WDFY4: variants seen among roughly 807,000 people sequenced by gnomAD.
The protein encoded by WDFY4 is WDFY family member 4.
In WDFY4, 169 loss-of-function variants were observed where a neutral mutation model predicts 351.9. That is an observed-to-expected ratio of 0.48 (90% CI 0.42 to 0.55). WDFY4 has a LOEUF of 0.55. Ranked by LOEUF, WDFY4 falls within the 20% of genes least tolerant of loss-of-function variation. WDFY4 has a pLI of 0.00. For missense variants in WDFY4, 3,803 were observed against 3,935.6 expected, an observed-to-expected ratio of 0.97 and a Z score of 0.90; for synonymous variants, 1,622 against 1,574.6, an observed-to-expected ratio of 1.03 and a Z score of -0.71.
At chr10:48,769,724 G>A (rs916305860) in intron 13 of WDFY4, among the ~76,000 whole-genome samples, 4 of 152,174 alleles carry the variant, frequency 2.6e-5, no homozygotes, top group Admixed American at 6.5e-5. Context: ...CCCAGCGCTC[G>A]CTGGGCTTTG....
chr10:48,770,583 T>C (rs2170128), intron 13 of WDFY4, among the ~76,000 whole-genome samples: 151,997 of 152,348 alleles, frequency 1, 75,823 homozygotes, highest in Non-Finnish European at 1. Flanking sequence ...TGTTACTTTT[T>C]TGTTTTGAGA....
chr10:48,788,454 G>C, intron 20 of WDFY4, 76 bp from the exon 21 acceptor site: 1 of 1,470,780 alleles, frequency 6.8e-7, no homozygotes, highest in Non-Finnish European at 9.2e-7. Flanking sequence ...GTGTGACAGA[G>C]ATATTAAATT....
At chr10:48,874,670 A>G (rs1221574617) in intron 41 of WDFY4, among the ~76,000 whole-genome samples, 1 of 152,252 alleles carries the variant, frequency 6.6e-6, no homozygotes. Context: ...AAAAATAAAA[A>G]AAATAAGTAG....
intron 41 of WDFY4, among the ~76,000 whole-genome samples, chr10:48,873,912 G>T (rs1264564603): frequency 6.6e-6 from 1 of 152,186 alleles, no homozygotes; most frequent in Non-Finnish European, 1.5e-5. Flanking sequence ...TGTAACTACA[G>T]CCTGCATGAA....
intron 39 of WDFY4, among the ~76,000 whole-genome samples, chr10:48,866,283 T>C (rs754376207): frequency 2.6e-5 from 4 of 152,172 alleles, no homozygotes; most frequent in Non-Finnish European, 4.4e-5. Context: ...TGGTATGTTG[T>C]GTCTTTATTT....
At chr10:48,740,767 GC>G (rs1309221047) in intron 11 of WDFY4, among the ~76,000 whole-genome samples, 1 of 152,198 alleles carries the variant, frequency 6.6e-6, no homozygotes, top group Non-Finnish European at 1.5e-5. Flanking sequence ...ACACTTGACT[GC>G]CCCCTTTAGT....
chr10:48,832,965 G>C (rs958344191), intron 39 of WDFY4, among the ~76,000 whole-genome samples: 1 of 152,212 alleles, frequency 6.6e-6, no homozygotes, highest in Non-Finnish European at 1.5e-5. Flanking sequence ...CTAGGGGTGT[G>C]AGCCCAGCAA....
intron 11 of WDFY4, among the ~76,000 whole-genome samples, chr10:48,740,678 G>A (rs745605848): frequency 2.0e-5 from 3 of 152,246 alleles, no homozygotes; most frequent in Non-Finnish European, 4.4e-5. Flanking sequence ...TCCTCACTCG[G>A]GAGGAGAAAG....
At chr10:48,837,505 G>A (rs2068444261) in intron 39 of WDFY4, among the ~76,000 whole-genome samples, 2 of 152,208 alleles carry the variant, frequency 1.3e-5, no homozygotes, top group African/African-American at 4.8e-5. Context: ...TGATTCAGGT[G>A]GGAGATAGTG....
At chr10:48,863,729 G>A (rs751884219) in intron 39 of WDFY4, among the ~76,000 whole-genome samples, 13 of 151,768 alleles carry the variant, frequency 8.6e-5, no homozygotes, top group South Asian at 2.1e-4. Flanking sequence ...GTATTAGTCC[G>A]TTTTCATATT....
intron 38 of WDFY4, among the ~76,000 whole-genome samples, chr10:48,832,313 G>C (rs920383186): frequency 2.6e-5 from 4 of 152,216 alleles, no homozygotes; most frequent in African/African-American, 9.7e-5. Context: ...TAGTTAATCT[G>C]CTCAACATCT....
intron 19 of WDFY4, among the ~76,000 whole-genome samples, chr10:48,780,514 G>A (rs1212809453): frequency 3.9e-5 from 6 of 152,304 alleles, no homozygotes; most frequent in Admixed American, 6.5e-5. Flanking sequence ...TGAGGCCAAC[G>A]CAGCTCATCT....
At chr10:48,936,337 A>G (rs1840358232) in intron 47 of WDFY4, among the ~76,000 whole-genome samples, 1 of 152,190 alleles carries the variant, frequency 6.6e-6, no homozygotes, top group Non-Finnish European at 1.5e-5. Flanking sequence ...AAATTTCTGA[A>G]TGAAGATGAC....
intron 40 of WDFY4, among the ~76,000 whole-genome samples, chr10:48,870,304 G>A (rs2069716014): frequency 6.6e-6 from 1 of 152,164 alleles, no homozygotes; most frequent in African/African-American, 2.4e-5. Context: ...TGGGAGGTTG[G>A]GCAGTAGGAT....
At position 48,873,511 on chromosome 10, in the gene WDFY4, C is replaced by T. The variant is rs2133285203; in HGVS notation, c.6762C>T (p.Ile2254=). The T allele has an allele frequency of 1.9e-6, 3 of 1,550,702 alleles. No individual in the cohort carries two copies. The highest frequency in any genetic ancestry group is 4.9e-5 in the East Asian group (2 of 40,912). ...CCCAGAGGCGAAAATGTGGCAACATCAAGGCAGCCAACGCCTGGGCCAGGA... is the reference window on the plus strand; with the variant it reads ...CCCAGAGGCGAAAATGTGGCAACATTAAGGCAGCCAACGCCTGGGCCAGGA... ...DHVQRRKCGN[I]KAANAWARIQ... is the part of the protein sequence containing the mutation. Residue 2254 remains isoleucine, a synonymous_variant, in exon 41 of 62, where the codon ATC becomes ATT. Coordinates refer to ENST00000325239, the MANE Select transcript of WDFY4 (RefSeq NM_001394531.1).
At chr10:48,978,231 G>T in intron 59 of WDFY4, 78 bp from the exon 60 acceptor site, 3 of 1,448,360 alleles carry the variant, frequency 2.1e-6, no homozygotes, top group Non-Finnish European at 2.8e-6. Flanking sequence ...CCCTAGGCGT[G>T]AGGAAATGGA....
At position 48,844,194 on chromosome 10, in the gene WDFY4, C is replaced by T. The variant is rs187459962; in HGVS notation, c.6663+11485C>T. On this transcript the variant is annotated intron_variant, in intron 39 of 61. Coordinates refer to ENST00000325239, the MANE Select transcript of WDFY4 (RefSeq NM_001394531.1). Reference sequence around the variant, plus strand: ...ACAGGAAGTTCTGAAATTTTCTTCTCTTCGTTGTTGTTGATGGGGGTTGAT... The same window carrying T: ...ACAGGAAGTTCTGAAATTTTCTTCTTTTCGTTGTTGTTGATGGGGGTTGAT... Among the ~76,000 whole-genome samples, 972 of 152,324 alleles carry T rather than the reference C, an allele frequency of 6.4e-3. 3 individuals carry two copies. Among genetic ancestry groups the T allele is most frequent in the Non-Finnish European group, 9.5e-3 (648 of 68,040 alleles).
chr10:48,805,211 T>C, intron 25 of WDFY4, 49 bp from the exon 26 acceptor site: 1 of 1,513,346 alleles, frequency 6.6e-7, no homozygotes, highest in Non-Finnish European at 8.8e-7. Context: ...ACAGCAAATT[T>C]GGTTCATTCC....
intron 51 of WDFY4, among the ~76,000 whole-genome samples, chr10:48,949,314 A>G (rs1841204834): frequency 6.6e-6 from 1 of 152,222 alleles, no homozygotes; most frequent in African/African-American, 2.4e-5. Context: ...CAAAAGAAAG[A>G]GCCACCTTCA....
Sources: gnomAD v4.1 joint callset for allele counts (sites outside exome capture counted in the v4.1 genomes callset) on GRCh38, gnomAD v4.1.1 for gene constraint, MANE v1.5 for transcripts, NCBI Gene and HGNC (gene_info 2026-07-23, HGNC 2026-07-21) for gene names.